Variants in VRK1 observed in about 807,000 individuals in gnomAD.
The protein encoded by VRK1 is VRK serine/threonine kinase 1.
A neutral mutation model predicts 57.1 loss-of-function variants in VRK1; 33 were observed. The ratio of observed to expected loss-of-function variants is 0.58; its 90% CI spans 0.44 to 0.77. The LOEUF is 0.77. Ranked by LOEUF, VRK1 falls within the 30% of genes least tolerant of loss-of-function variation. The pLI is 0.00. For synonymous variants in VRK1, 137 were observed against 147.8 expected, an observed-to-expected ratio of 0.93 and a Z score of 0.53; for missense variants, 413 against 477.3, an observed-to-expected ratio of 0.87 and a Z score of 1.25.
rs74076149 is a variant in VRK1 at position 96,824,328 on chromosome 14, A to C, written c.-5-9139A>C. Among the ~76,000 whole-genome samples, 358 of 152,328 alleles carry C rather than the reference A, an allele frequency of 2.4e-3. 2 individuals are homozygous for C. Among genetic ancestry groups the C allele is most frequent in the African/African-American group, 8.1e-3 (335 of 41,572 alleles). ...ATTGCCTAGGACTGTGAGTAGCCTA[A>C]ATGGTAGACTGGAATCCAGGATACT... is the stretch of plus-strand genomic sequence containing the variant. On this transcript the variant is annotated intron_variant, in intron 1 of 12. Coordinates refer to ENST00000216639, the MANE Select transcript of VRK1 (RefSeq NM_003384.3).
At chr14:96,848,183 G>T (rs962023704) in intron 5 of VRK1, among the ~76,000 whole-genome samples, 8 of 152,086 alleles carry the variant, frequency 5.3e-5, no homozygotes, top group African/African-American at 1.9e-4. Flanking sequence ...TTTGTTCTCT[G>T]TTAGTTCTCC....
intron 11 of VRK1, 23 bp from the exon 12 acceptor site, chr14:96,876,007 C>G: frequency 1.9e-6 from 3 of 1,609,352 alleles, no homozygotes; most frequent in Non-Finnish European, 2.5e-6. Flanking sequence ...ATCTCTCTCT[C>G]TCTCTTTAAT....
Position 96,840,552 on chromosome 14 carries a change from A to T in VRK1, c.216+2735A>T, listed in dbSNP as rs146208523. The stretch of plus-strand genomic sequence containing the variant: ...GAGGAACTAAAGTTCTTAGTATTAA[A>T]TTGGGTCATTTGTATTTAATTGCAG... On this transcript the variant is annotated intron_variant, in intron 3 of 12. Transcript: ENST00000216639. 7.7e-4 allele frequency among the ~76,000 whole-genome samples: 118 copies of T among 152,302 alleles called. 1 individual carries two copies. The highest frequency in any genetic ancestry group is 2.7e-3 in the African/African-American group (114 of 41,586).
intron 11 of VRK1, among the ~76,000 whole-genome samples, chr14:96,874,414 T>C (rs555058022): frequency 6.6e-6 from 1 of 152,250 alleles, no homozygotes; most frequent in South Asian, 2.1e-4. Context: ...GCAGTTATTG[T>C]ATGTAATTAT....
At chr14:96,836,984 G>T (rs1269111143) in intron 2 of VRK1, among the ~76,000 whole-genome samples, 1 of 152,000 alleles carries the variant, frequency 6.6e-6, no homozygotes, top group African/African-American at 2.4e-5. Context: ...TTTCTTTCCT[G>T]CTTAATTTGT....
At position 96,852,928 on chromosome 14, in the gene VRK1, A is replaced by C. The variant is rs756208389; in HGVS notation, c.472A>C (p.Ser158Arg). The part of the protein sequence containing the change: ...RFSRKTVLQL[S>R]LRILDILEYI... ...TTCTCGGAAAACTGTCTTGCAGCTA[A>C]GCTTAAGAATTGTATGTGAGCTATG... The change falls in exon 6 of 13, where the codon AGC becomes CGC. Residue 158 changes from serine (S) to arginine (R), a missense_variant. By Grantham distance (110) the Ser-to-Arg change is moderately radical (BLOSUM62 -1). Transcript: ENST00000216639. 1.9e-6 allele frequency: 3 copies of C among 1,613,644 alleles called. No individual in the cohort carries two copies. Among genetic ancestry groups the C allele is most frequent in the East Asian group, 2.2e-5 (1 of 44,844 alleles).
intron 7 of VRK1, 110 bp downstream of exon 7, chr14:96,853,276 T>C (rs1351965575): frequency 5.7e-6 from 5 of 881,944 alleles, no homozygotes; most frequent in East Asian, 2.6e-5. Context: ...GAAGTAGATA[T>C]GGTAATAATA....
intron 11 of VRK1, among the ~76,000 whole-genome samples, chr14:96,865,966 TGTA>T (rs1888571800): frequency 6.6e-6 from 1 of 152,134 alleles, no homozygotes; most frequent in African/African-American, 2.4e-5. Flanking sequence ...TATTTTTAAA[TGTA>T]GTTTTTTAAG....
intron 11 of VRK1, among the ~76,000 whole-genome samples, chr14:96,864,470 AT>A (rs1347795357): frequency 5.3e-5 from 8 of 152,160 alleles, no homozygotes; most frequent in Middle Eastern, 3.4e-3. Flanking sequence ...GTTGTTTTTC[AT>A]TGCTGTGTAG....
rs577018750 is a variant in VRK1 at position 96,869,354 on chromosome 14, T to C, written c.1069-6676T>C. On this transcript the variant is annotated intron_variant, in intron 11 of 12. Coordinates refer to ENST00000216639, the MANE Select transcript of VRK1 (RefSeq NM_003384.3). ...GGAACGTTTTCATTTGAATCTGTTT[T>C]CATTTGAACCTTCTAATAAACTAAG... Among the ~76,000 whole-genome samples the C allele has an allele frequency of 1.7e-4, 26 of 152,352 alleles. No homozygotes were observed. The East Asian group carries it at 4.6e-3, about 27-fold the overall frequency.
chr14:96,864,281 A>T (rs774696275), intron 11 of VRK1, among the ~76,000 whole-genome samples: 2 of 152,194 alleles, frequency 1.3e-5, no homozygotes, highest in Non-Finnish European at 2.9e-5. Context: ...ATGAATAAGT[A>T]CACTTTTACA....
chr14:96,830,950 C>T (rs1886980098), intron 1 of VRK1, among the ~76,000 whole-genome samples: 1 of 152,180 alleles, frequency 6.6e-6, no homozygotes, highest in African/African-American at 2.4e-5. Context: ...AGGCTTTGAC[C>T]TAGAAGGGGC....
chr14:96,881,274 T>C lies in VRK1; in HGVS notation c.*66T>C. The stretch of plus-strand genomic sequence containing the variant: ...TTTGACTTTTTTCTCCTTTTCTATT[T>C]GAACTGTTTTATTTTCCTGTGAGTC... On this transcript the variant is annotated 3_prime_UTR_variant, in exon 13 of 13. Coordinates refer to ENST00000216639, the MANE Select transcript of VRK1 (RefSeq NM_003384.3). 2.1e-6 allele frequency: 3 copies of C among 1,434,084 alleles called. No individual in the cohort carries two copies. The highest frequency in any genetic ancestry group is 3.9e-5 in the Admixed American group (2 of 51,408). 88.8% of individuals were successfully genotyped at this position (1,434,084 alleles called of 1,614,324 possible). A position where few individuals can be genotyped will look rare whatever the true frequency, so the allele number is the denominator to read the frequency against.
intron 1 of VRK1, among the ~76,000 whole-genome samples, chr14:96,822,240 G>T (rs1320376679): frequency 1.3e-5 from 2 of 152,114 alleles, no homozygotes; most frequent in Non-Finnish European, 2.9e-5. Context: ...AACAGTTCCT[G>T]CACAGAGTGT....
chr14:96,852,559 T>A (rs1028238331), intron 5 of VRK1, among the ~76,000 whole-genome samples: 5 of 152,204 alleles, frequency 3.3e-5, no homozygotes, highest in African/African-American at 1.2e-4. Context: ...ACTTGTTGGG[T>A]TCTCTCTGTG....
At chr14:96,845,318 A>G (rs1449374689) in intron 3 of VRK1, among the ~76,000 whole-genome samples, 1 of 152,248 alleles carries the variant, frequency 6.6e-6, no homozygotes, top group Non-Finnish European at 1.5e-5. Flanking sequence ...ACAGAATTAT[A>G]AGATCTTTTC....
chr14:96,839,922 C>T (rs900463049), intron 3 of VRK1, among the ~76,000 whole-genome samples: 10 of 152,256 alleles, frequency 6.6e-5, no homozygotes, highest in Non-Finnish European at 1.5e-4. Context: ...TGAGTGTTGA[C>T]CGAACTTTGT....
chr14:96,810,944 T>A (rs200585850), intron 1 of VRK1, among the ~76,000 whole-genome samples: 12 of 148,700 alleles, frequency 8.1e-5, no homozygotes, highest in South Asian at 6.5e-4. Context: ...TTTTTTTTTT[T>A]AATTTTTTTT....
chr14:96,826,578 G>A (rs937478627), intron 1 of VRK1, among the ~76,000 whole-genome samples: 1 of 152,280 alleles, frequency 6.6e-6, no homozygotes, highest in Non-Finnish European at 1.5e-5. Flanking sequence ...GACTTGCATA[G>A]AGTCAGAGGG....
Sources: gnomAD v4.1 joint callset for allele counts (sites outside exome capture counted in the v4.1 genomes callset) on GRCh38, gnomAD v4.1.1 for gene constraint, MANE v1.5 for transcripts, NCBI Gene and HGNC (gene_info 2026-07-23, HGNC 2026-07-21) for gene names.